The following ADGRF1 variants were observed in gnomAD, a reference collection of about 807,000 sequenced individuals.
ADGRF1 encodes the protein G protein-coupled receptor 110.
In ADGRF1, 85 loss-of-function variants were observed where a neutral mutation model predicts 87.2. The observed-to-expected ratio is 0.97, with a 90% CI of 0.82 to 1.17. ADGRF1 has a LOEUF of 1.17. ADGRF1 is among the 50% of genes most tolerant of loss of function. The probability of loss-of-function intolerance (pLI) is 0.00; values close to 1 mark genes in which losing one functional copy is unlikely to be tolerated. For missense variants in ADGRF1, 1,169 were observed against 1,077.2 expected, an observed-to-expected ratio of 1.09 and a Z score of -1.19; for synonymous variants, 430 against 408.8, an observed-to-expected ratio of 1.05 and a Z score of -0.63.
At position 46,999,082 on chromosome 6, in the gene ADGRF1, T is replaced by C. The variant is rs912969666; in HGVS notation, c.*1140A>G. On this transcript the variant is annotated 3_prime_UTR_variant, in exon 15 of 15. Coordinates refer to ENST00000371253, the MANE Select transcript of ADGRF1 (RefSeq NM_153840.4). Reference sequence around the variant, plus strand: ...AAGGCTCGGGTTCCTCTGGGCACTATGGTCACGGCTGAAACTCAGGTAGGT... The same window carrying C: ...AAGGCTCGGGTTCCTCTGGGCACTACGGTCACGGCTGAAACTCAGGTAGGT... 2.6e-5 allele frequency: 4 copies of C among 152,260 alleles called. No homozygotes were observed. Among genetic ancestry groups the C allele is most frequent in the African/African-American group, 4.8e-5 (2 of 41,452 alleles). 9.4% of individuals were successfully genotyped at this position (152,260 alleles called of 1,614,324 possible).
intron 9 of ADGRF1, chr6:47,013,738 G>A: frequency 3.8e-6 from 3 of 786,456 alleles, no homozygotes; most frequent in Non-Finnish European, 4.6e-6. Context: ...GTGGGGCTTG[G>A]TGGGAGATGA....
chr6:47,026,452 TCTC>T (rs1780238803), intron 3 of ADGRF1, among the ~76,000 whole-genome samples: 1 of 152,004 alleles, frequency 6.6e-6, no homozygotes, highest in Admixed American at 6.5e-5. Context: ...AGCCCTTTCT[TCTC>T]CTGTGAAAAT....
intron 5 of ADGRF1, 95 bp downstream of exon 5, chr6:47,023,945 TAAAC>T: frequency 9.0e-7 from 1 of 1,108,720 alleles, no homozygotes; most frequent in Non-Finnish European, 1.3e-6. Context: ...AATCTCCCTG[TAAAC>T]AAACATTGAC....
chr6:47,019,638 C>T (rs568112657), intron 7 of ADGRF1: 10 of 461,604 alleles, frequency 2.2e-5, no homozygotes, highest in East Asian at 3.2e-4. Context: ...GAGCCGAGAT[C>T]GTGCCACTGC....
rs1320655175 is a variant in ADGRF1 at position 47,010,178 on chromosome 6, A to T, written c.1257T>A (p.Ala419=). Residue 419 remains alanine, a synonymous_variant, in exon 11 of 15, where the codon GCT becomes GCA. Coordinates refer to ENST00000371253, the MANE Select transcript of ADGRF1 (RefSeq NM_153840.4). ...ATTTCCGAGAAAAATTCAGAGGAAG[A>T]GCTGTCGGAGGCACCAGAGTGCTGA... ...ENISTLVPPT[A]LPLNFSRKFI... The T allele has an allele frequency of 6.2e-7, 1 of 1,614,148 alleles. No homozygotes were observed. The highest frequency in any genetic ancestry group is 1.3e-5 in the African/African-American group (1 of 75,052).
intron 2 of ADGRF1, 119 bp downstream of exon 2, chr6:47,028,874 G>C (rs1374173941): frequency 1.3e-6 from 1 of 776,070 alleles, no homozygotes; most frequent in Admixed American, 2.0e-5. Flanking sequence ...CAGGACTTCT[G>C]ATCTCAAGTA....
intron 8 of ADGRF1, among the ~76,000 whole-genome samples, chr6:47,015,939 C>T (rs149113795): frequency 0.036 from 5,411 of 151,826 alleles, 321 homozygotes; most frequent in African/African-American, 0.12. Context: ...GGTTTCACCA[C>T]GTTGGCCAAG....
Position 47,014,775 on chromosome 6 carries a change from C to T in ADGRF1, c.833G>A (p.Gly278Asp). ...CTTGGCTGTGATGTTTCCCCTGTAGCCACTGCTGCAGGGCAGGGTATATTC... is the reference window on the plus strand; with the variant it reads ...CTTGGCTGTGATGTTTCCCCTGTAGTCACTGCTGCAGGGCAGGGTATATTC... ...DDEYTLPCSS[G>D]YRGNITAKCE... Residue 278 changes from glycine to aspartate, a missense_variant, in exon 9 of 15, where the codon GGC becomes GAC. Physicochemically the swap from Gly to Asp is moderately conservative, Grantham distance 94 (BLOSUM62 -1). Transcript: ENST00000371253. The T allele has an allele frequency of 6.2e-7, 1 of 1,614,022 alleles. No individual in the cohort carries two copies.
At chr6:47,025,778 C>A in intron 4 of ADGRF1, 76 bp downstream of exon 4, 1 of 1,308,440 alleles carries the variant, frequency 7.6e-7, no homozygotes. Flanking sequence ...ATTGTTTCCA[C>A]AGCATAACCC....
At chr6:47,029,506 A>G (rs996083760) in intron 1 of ADGRF1, among the ~76,000 whole-genome samples, 1 of 152,238 alleles carries the variant, frequency 6.6e-6, no homozygotes, top group Non-Finnish European at 1.5e-5. Flanking sequence ...ATACCAGGAT[A>G]TAATTTGAGT....
At position 46,999,587 on chromosome 6, in the gene ADGRF1, A is replaced by G. The variant is rs1392959992; in HGVS notation, c.*635T>C. On this transcript the variant is annotated 3_prime_UTR_variant, in exon 15 of 15. Coordinates refer to ENST00000371253, the MANE Select transcript of ADGRF1 (RefSeq NM_153840.4). ...GGAAGTGCCTTGTAAACTGAAAAAT[A>G]CCACATTATATATCATATCACATTA... is the stretch of plus-strand genomic sequence containing the variant. 1 of 152,240 alleles carries G rather than the reference A, an allele frequency of 6.6e-6. No individual in the cohort carries two copies. The highest frequency in any genetic ancestry group is 1.9e-4 in the East Asian group (1 of 5,196). 9.4% of individuals were successfully genotyped at this position (152,240 alleles called of 1,614,324 possible).
chr6:47,018,445 G>T (rs1035333094), intron 7 of ADGRF1: 10 of 1,289,590 alleles, frequency 7.8e-6, no homozygotes, highest in Non-Finnish European at 1.0e-5. Context: ...ATAAATAAGT[G>T]CAGACACCCT....
rs1779888380 is a variant in ADGRF1, at chr6:47,016,649, A to G, written c.731T>C (p.Leu244Ser). Residue 244 changes from leucine to serine, a missense_variant, in exon 8 of 15, where the codon TTA becomes TCA. Leu to Ser is a moderately radical substitution (Grantham distance 145). Transcript: ENST00000371253. ...GAACACTCTGAAAGAGCCGTCTTCT[A>G]ATGGAAACAGCTTGTGAAGGGCTGT... ...AKTALHKLFPLEDGSFRVFGK... is the reference protein window; with the variant it reads ...AKTALHKLFPSEDGSFRVFGK... 1.2e-6 allele frequency: 2 copies of G among 1,610,904 alleles called. No homozygotes were observed. The highest frequency in any genetic ancestry group is 1.7e-6 in the Non-Finnish European group (2 of 1,177,644).
rs547800490 is a variant in ADGRF1 at position 47,016,272 on chromosome 6, C to A, written c.763+345G>T. Among the ~76,000 whole-genome samples, 6 of 152,178 alleles carry A rather than the reference C, an allele frequency of 3.9e-5. No individual in the cohort carries two copies. The East Asian group carries it at 1.2e-3, about 29-fold the overall frequency. On this transcript the variant is annotated intron_variant, in intron 8 of 14. Transcript: ENST00000371253. ...TTTATATGTGTTAAAGACATAATTTCTTGGATTGTGACTTAGGAATATTGT... is the reference window on the plus strand; with the variant it reads ...TTTATATGTGTTAAAGACATAATTTATTGGATTGTGACTTAGGAATATTGT...
chr6:47,013,250 C>G, intron 9 of ADGRF1: 1 of 985,438 alleles, frequency 1.0e-6, no homozygotes, highest in African/African-American at 1.7e-5. Flanking sequence ...GTTTTCTGTT[C>G]AAGCCACCTG....
rs1393082857 is a variant in ADGRF1 at position 46,998,472 on chromosome 6, T to C, written c.*1750A>G. The C allele has an allele frequency of 6.6e-6, 1 of 152,232 alleles. No homozygotes were observed. Among genetic ancestry groups the C allele is most frequent in the Non-Finnish European group, 1.5e-5 (1 of 68,084 alleles). The allele number at this position is 152,232 out of a possible 1,614,324, so 9.4% of individuals were successfully genotyped here. A position where few individuals can be genotyped will look rare whatever the true frequency, so the allele number is the denominator to read the frequency against. On this transcript the variant is annotated 3_prime_UTR_variant, in exon 15 of 15. Transcript: ENST00000371253. ...TTCACTCTTGCATGTCTCACTATGG[T>C]TCATGGGAAACACACACATCCATTG... is the stretch of plus-strand genomic sequence containing the variant.
Position 47,009,623 on chromosome 6 carries a change from C to A in ADGRF1, c.1812G>T (p.Leu604=). 6.2e-7 allele frequency: 1 copy of A among 1,614,138 alleles called. No homozygotes were observed. The highest frequency in any genetic ancestry group is 8.5e-7 in the Non-Finnish European group (1 of 1,180,012). The change falls in exon 11 of 15, where the codon CTG becomes CTT. Residue 604 remains leucine, a synonymous_variant. Transcript: ENST00000371253. ...GISIGSLILC[L]IIEALFWKQI... ...GCTTCCAAAACAAAGCCTCGATGAT[C>A]AGGCATAAAATGAGACTTCCAATGG...
intron 9 of ADGRF1, chr6:47,013,280 T>C (rs1779763581): frequency 3.0e-6 from 3 of 985,364 alleles, no homozygotes; most frequent in South Asian, 9.4e-5. Flanking sequence ...TGGAGCGAAC[T>C]AGTCTCAACT....
chr6:47,021,362 A>AC (rs1780043911), intron 6 of ADGRF1, among the ~76,000 whole-genome samples: 1 of 151,268 alleles, frequency 6.6e-6, no homozygotes, highest in Non-Finnish European at 1.5e-5. Flanking sequence ...TTAGATCATG[A>AC]TTTTTTTTTG....
Sources: allele counts gnomAD v4.1 joint callset (sites outside exome capture counted in the v4.1 genomes callset), GRCh38; gene constraint gnomAD v4.1.1; transcripts MANE v1.5; gene names NCBI Gene and HGNC (gene_info 2026-07-23, HGNC 2026-07-21).